ACBD7: variants seen among roughly 807,000 people sequenced by gnomAD.
ACBD7 encodes the protein acyl-CoA-binding domain-containing protein 7.
In ACBD7, 11 loss-of-function variants were observed where a neutral mutation model predicts 13.7. The observed-to-expected ratio is 0.80, with a 90% CI of 0.50 to 1.33. The LOEUF is 1.33. ACBD7 is among the 40% of genes most tolerant of loss of function. The pLI is 0.00. For missense variants in ACBD7, 111 were observed against 103.0 expected, an observed-to-expected ratio of 1.08 and a Z score of -0.33; for synonymous variants, 43 against 37.7, an observed-to-expected ratio of 1.14 and a Z score of -0.51.
chr10:15,081,361 A>G (rs896078454), intron 1 of ACBD7, among the ~76,000 whole-genome samples: 8 of 152,052 alleles, frequency 5.3e-5, no homozygotes, highest in African/African-American at 1.9e-4. Context: ...GAACTCCCCA[A>G]CCCTCCATGA....
At chr10:15,079,192 G>GTTT in intron 1 of ACBD7, 152 bp from the exon 2 acceptor site, 1 of 407,436 alleles carries the variant, frequency 2.5e-6, no homozygotes, top group South Asian at 5.7e-5. Context: ...ATTCCTAGGA[G>GTTT]TTCACCTCTC....
rs1291619336 is a variant in ACBD7 at position 15,088,769 on chromosome 10, G to A, written c.-41C>T. 1 of 1,597,394 alleles carries A rather than the reference G, an allele frequency of 6.3e-7. No homozygotes were observed. The highest frequency in any genetic ancestry group is 8.5e-7 in the Non-Finnish European group (1 of 1,174,878). On this transcript the variant is annotated 5_prime_UTR_variant, in exon 1 of 4. Coordinates refer to ENST00000356189, the MANE Select transcript of ACBD7 (RefSeq NM_001039844.3). ...GTTGTTGCTGCTGCTGTTGTCGTCC[G>A]GTGCTCTGCCCCCTCTCGCACCCAC...
intron 1 of ACBD7, among the ~76,000 whole-genome samples, chr10:15,082,998 C>G (rs1422427827): frequency 1.3e-5 from 2 of 152,026 alleles, no homozygotes; most frequent in East Asian, 3.9e-4. Context: ...GATCCTGCCA[C>G]TGCACTCCAG....
rs1325534284 is a variant in ACBD7, at chr10:15,088,701, C to A, written c.12+16G>T. 3.1e-5 allele frequency: 50 copies of A among 1,597,016 alleles called. No homozygotes were observed. Among genetic ancestry groups the A allele is most frequent in the Non-Finnish European group, 3.7e-5 (43 of 1,175,832 alleles). ...CGGAGCGCCCCTCCCGCGTGGCCTC[C>A]CCGCGCCCCGGGTACCTGCAGGGCC... On this transcript the variant is annotated intron_variant, in intron 1 of 3. Transcript: ENST00000356189.
At chr10:15,084,545 A>T (rs1223763527) in intron 1 of ACBD7, among the ~76,000 whole-genome samples, 1 of 152,222 alleles carries the variant, frequency 6.6e-6, no homozygotes, top group Non-Finnish European at 1.5e-5. Context: ...TACATTCCAC[A>T]GGGTGGGAGC....
intron 1 of ACBD7, among the ~76,000 whole-genome samples, chr10:15,084,805 G>T (rs890911169): frequency 9.9e-5 from 15 of 152,202 alleles, no homozygotes; most frequent in African/African-American, 3.6e-4. Flanking sequence ...CTGTGCAAAT[G>T]TCTGATTGGT....
In ACBD7 at chr10:15,078,240, T is replaced by C. The variant is rs1052201752; in HGVS notation, c.*290A>G. The C allele has an allele frequency of 1.5e-6, 1 of 671,348 alleles. No individual in the cohort carries two copies. Among genetic ancestry groups the C allele is most frequent in the African/African-American group, 1.9e-5 (1 of 52,828 alleles). The allele number at this position is 671,348 out of a possible 1,614,324, so 41.6% of individuals were successfully genotyped here. A position where few individuals can be genotyped will look rare whatever the true frequency, so the allele number is the denominator to read the frequency against. ...TTGCTGAGAATGATGGTTTCCAGCT[T>C]CATCCATGTCCCTGCAAAGGACATG... On this transcript the variant is annotated 3_prime_UTR_variant, in exon 4 of 4. Coordinates refer to ENST00000356189, the MANE Select transcript of ACBD7 (RefSeq NM_001039844.3).
In ACBD7 at chr10:15,078,733, A is replaced by T; in HGVS notation, c.151T>A (p.Leu51Ile). The T allele has an allele frequency of 6.2e-7, 1 of 1,614,018 alleles. No homozygotes were observed. Among genetic ancestry groups the T allele is most frequent in the Non-Finnish European group, 8.5e-7 (1 of 1,179,982 alleles). Reference protein sequence around the residue: ...INIACPGMLDLKGKAKWEAWN... With the variant: ...INIACPGMLDIKGKAKWEAWN... ...GCTTCCCATTTGGCTTTGCCTTTTA[A>T]ATCTAGCATTCCTGGACACGCTGGC... Residue 51 changes from leucine (L) to isoleucine (I), a missense_variant, in exon 3 of 4, where the codon TTA (leucine) becomes ATA (isoleucine). Leu to Ile is a conservative substitution (Grantham distance 5, BLOSUM62 2). Coordinates refer to ENST00000356189, the MANE Select transcript of ACBD7 (RefSeq NM_001039844.3).
intron 1 of ACBD7, among the ~76,000 whole-genome samples, chr10:15,085,723 T>C (rs748043702): frequency 5.3e-5 from 8 of 152,256 alleles, no homozygotes; most frequent in Non-Finnish European, 1.0e-4. Flanking sequence ...CTCTCCTAAA[T>C]GCTTTGGTGA....
intron 1 of ACBD7, among the ~76,000 whole-genome samples, chr10:15,080,586 A>C (rs1844738874): frequency 6.6e-6 from 1 of 152,284 alleles, no homozygotes; most frequent in African/African-American, 2.4e-5. Context: ...TCTCAAAAAC[A>C]AAAACAAAAA....
At chr10:15,088,646 AC>A in intron 1 of ACBD7, 70 bp downstream of exon 1, 2 of 1,564,290 alleles carry the variant, frequency 1.3e-6, no homozygotes, top group South Asian at 2.3e-5. Context: ...CGCCAAGCCC[AC>A]CCGGAGCCCC....
chr10:15,087,647 G>A (rs1280394671), intron 1 of ACBD7, among the ~76,000 whole-genome samples: 2 of 152,052 alleles, frequency 1.3e-5, no homozygotes, highest in African/African-American at 2.4e-5. Context: ...GAGTGGCGGC[G>A]CACGCCTATA....
Position 15,079,120 on chromosome 10 carries a change from G to A in ACBD7, c.13-80C>T. ...GAACTCAAAGAGCAGGAAGAGGAAG[G>A]TTCCAAGTAGAAATGAACTTCTGCT... On this transcript the variant is annotated intron_variant, in intron 1 of 3. Coordinates refer to ENST00000356189, the MANE Select transcript of ACBD7 (RefSeq NM_001039844.3). 5 of 825,356 alleles carry A rather than the reference G, an allele frequency of 6.1e-6. 1 individual carries two copies. The South Asian group carries it at 1.1e-4, about 18-fold the overall frequency. The allele number at this position is 825,356 out of a possible 1,614,324, so 51.1% of individuals were successfully genotyped here.
At position 15,076,185 on chromosome 10, in the gene ACBD7, G is replaced by T; in HGVS notation, c.*2345C>A. 1.3e-5 allele frequency: 13 copies of T among 985,160 alleles called. No individual in the cohort carries two copies. The highest frequency in any genetic ancestry group is 1.6e-5 in the Non-Finnish European group (13 of 829,866). 61.0% of individuals were successfully genotyped at this position (985,160 alleles called of 1,614,324 possible). A position where few individuals can be genotyped will look rare whatever the true frequency, so the allele number is the denominator to read the frequency against. ...AATCTAAATTTTTATGCAGGGAATA[G>T]AGGTACACTGTTTTGGGGGATATTT... On this transcript the variant is annotated 3_prime_UTR_variant, in exon 4 of 4. Transcript: ENST00000356189.
At position 15,077,209 on chromosome 10, in the gene ACBD7, G is replaced by T. The variant is rs1406784304; in HGVS notation, c.*1321C>A. 6.6e-6 allele frequency among the ~76,000 whole-genome samples: 1 copy of T among 152,036 alleles called. No individual in the cohort carries two copies. The highest frequency in any genetic ancestry group is 2.4e-5 in the African/African-American group (1 of 41,384). The stretch of plus-strand genomic sequence containing the variant: ...CTAAGTATCCATCAGCAGATGATGG[G>T]ATAAAGAAAACGTTGTATATGTATA... On this transcript the variant is annotated 3_prime_UTR_variant, in exon 4 of 4. Coordinates refer to ENST00000356189, the MANE Select transcript of ACBD7 (RefSeq NM_001039844.3).
intron 2 of ACBD7, 78 bp from the exon 3 acceptor site, chr10:15,078,831 T>C (rs1273849041): frequency 3.4e-5 from 47 of 1,388,528 alleles, no homozygotes; most frequent in Non-Finnish European, 4.1e-5. Flanking sequence ...AAACGGAGTA[T>C]ATTACTATAT....
intron 1 of ACBD7, among the ~76,000 whole-genome samples, chr10:15,082,449 A>C (rs1249633315): frequency 6.6e-6 from 1 of 152,220 alleles, no homozygotes; most frequent in Non-Finnish European, 1.5e-5. Flanking sequence ...TGTAAACAGT[A>C]ATTGCCTCTG....
At position 15,078,604 on chromosome 10, in the gene ACBD7, C is replaced by T. The variant is rs748375181; in HGVS notation, c.194-1G>A. Reference sequence around the variant, plus strand: ...CTCGTCGCATCTTCCGTCGACAACCCTAGAAAGATACAAACAGGTTATCTC... The same window carrying T: ...CTCGTCGCATCTTCCGTCGACAACCTTAGAAAGATACAAACAGGTTATCTC... On this transcript the variant is annotated splice_acceptor_variant, in intron 3 of 3. Coordinates refer to ENST00000356189, the MANE Select transcript of ACBD7 (RefSeq NM_001039844.3). LOFTEE classifies it high-confidence loss of function. The T allele has an allele frequency of 1.2e-6, 2 of 1,613,976 alleles. No homozygotes were observed. Among genetic ancestry groups the T allele is most frequent in the Non-Finnish European group, 1.7e-6 (2 of 1,180,016 alleles).
rs981524670 is a variant in ACBD7 at position 15,077,195 on chromosome 10, T to C, written c.*1335A>G. Among the ~76,000 whole-genome samples the C allele has an allele frequency of 6.6e-6, 1 of 152,114 alleles. No individual in the cohort carries two copies. Among genetic ancestry groups the C allele is most frequent in the Admixed American group, 6.6e-5 (1 of 15,266 alleles). ...GATATGGAATCAACCTAAGTATCCA[T>C]CAGCAGATGATGGGATAAAGAAAAC... On this transcript the variant is annotated 3_prime_UTR_variant, in exon 4 of 4. Coordinates refer to ENST00000356189, the MANE Select transcript of ACBD7 (RefSeq NM_001039844.3).
Sources: gnomAD v4.1 joint callset for allele counts (sites outside exome capture counted in the v4.1 genomes callset) on GRCh38, gnomAD v4.1.1 for gene constraint, MANE v1.5 for transcripts, NCBI Gene and HGNC (gene_info 2026-07-23, HGNC 2026-07-21) for gene names.